The following SESTD1 variants were observed in gnomAD, a reference collection of about 807,000 sequenced individuals.
SESTD1 encodes SEC14 and spectrin domain containing 1, also known as SEC14 domain and spectrin repeat-containing protein 1.
In SESTD1, 43 loss-of-function variants were observed where a neutral mutation model predicts 101.7. That is an observed-to-expected ratio of 0.42 (90% CI 0.33 to 0.55). The LOEUF (loss-of-function observed/expected upper bound fraction) is 0.55, where lower values mean the gene tolerates loss of function less well. Among genes scored for constraint, SESTD1 ranks in the 20% least tolerant of loss-of-function variants. The pLI, the probability that SESTD1 is intolerant of heterozygous loss-of-function variation, is 0.07. For synonymous variants in SESTD1, 283 were observed against 286.8 expected (o/e 0.99, Z 0.13); for missense variants, 647 against 815.1 (o/e 0.79, Z 2.51).
At position 179,121,789 on chromosome 2, in the gene SESTD1, T is replaced by C; in HGVS notation, c.1423A>G (p.Met475Val). Residue 475 changes from methionine to valine, a missense_variant, in exon 13 of 18, where the codon ATG becomes GTG. Transcript: ENST00000428443. Reference protein sequence around the residue: ...VDHIQGVMEDMQLRKQRCEDM... With the variant: ...VDHIQGVMEDVQLRKQRCEDM... ...CTTTGCCTTTGTTTTCTAAGCTGCATATCTTCCATCACTCCTTGTATGTGG... is the reference window on the plus strand; with the variant it reads ...CTTTGCCTTTGTTTTCTAAGCTGCACATCTTCCATCACTCCTTGTATGTGG... The C allele has an allele frequency of 6.3e-7, 1 of 1,588,390 alleles. No homozygotes were observed. The highest frequency in any genetic ancestry group is 1.2e-5 in the South Asian group (1 of 85,696).
intron 1 of SESTD1, among the ~76,000 whole-genome samples, chr2:179,252,479 T>C (rs957066177): frequency 1.3e-5 from 2 of 152,200 alleles, no homozygotes; most frequent in African/African-American, 4.8e-5. Flanking sequence ...TAAGCTCTCT[T>C]TTCTCTTGTC....
chr2:179,259,068 C>T (rs1434557314), intron 1 of SESTD1, among the ~76,000 whole-genome samples: 5 of 152,174 alleles, frequency 3.3e-5, no homozygotes, highest in African/African-American at 7.2e-5. Flanking sequence ...AGAATATTCC[C>T]AGGACTGGGG....
chr2:179,201,790 G>T lies in SESTD1; in HGVS notation c.-25-9924C>A, dbSNP rs551617743. Among the ~76,000 whole-genome samples the T allele has an allele frequency of 3.1e-5, 4 of 130,242 alleles. 1 individual carries two copies. In the East Asian group the frequency reaches 8.1e-4, roughly 26 times the overall value. 85.4% of individuals were successfully genotyped at this position (130,242 alleles called of 152,430 possible). The stretch of plus-strand genomic sequence containing the variant: ...GACTGTTGTGGGGTGGGGGTAGGGG[G>T]GAGGGATAGCATTGGGCAACATACC... On this transcript the variant is annotated intron_variant, in intron 1 of 17. Transcript: ENST00000428443.
chr2:179,113,519 TGA>T (rs1239786692), intron 16 of SESTD1, among the ~76,000 whole-genome samples: 38 of 152,160 alleles, frequency 2.5e-4, no homozygotes, highest in Non-Finnish European at 7.4e-5. Context: ...CTGCAAAATT[TGA>T]GAGAGAGAAT....
intron 13 of SESTD1, among the ~76,000 whole-genome samples, chr2:179,120,495 G>GTAAC (rs1419171521): frequency 2.6e-5 from 4 of 152,170 alleles, no homozygotes; most frequent in Admixed American, 6.5e-5. Flanking sequence ...CCTGGAAGCA[G>GTAAC]TAACTTTAGC....
intron 5 of SESTD1, among the ~76,000 whole-genome samples, chr2:179,157,284 T>C (rs1266991675): frequency 6.6e-6 from 1 of 152,012 alleles, no homozygotes; most frequent in African/African-American, 2.4e-5. Context: ...ATTGTGAAAA[T>C]GCCCATACTG....
chr2:179,119,553 C>G (rs1054835592), intron 13 of SESTD1, among the ~76,000 whole-genome samples: 2 of 152,138 alleles, frequency 1.3e-5, no homozygotes, highest in African/African-American at 4.8e-5. Flanking sequence ...CCTTCCACCA[C>G]GATTCTGTTT....
intron 9 of SESTD1, among the ~76,000 whole-genome samples, chr2:179,140,566 C>A (rs2045256105): frequency 6.6e-6 from 1 of 152,198 alleles, no homozygotes; most frequent in Non-Finnish European, 1.5e-5. Context: ...ATCACTTAGT[C>A]TGTTTGCTAC....
At chr2:179,153,285 T>C (rs1653648145) in intron 5 of SESTD1, among the ~76,000 whole-genome samples, 1 of 152,206 alleles carries the variant, frequency 6.6e-6, no homozygotes, top group South Asian at 2.1e-4. Flanking sequence ...GTATTGCCAT[T>C]CTGCAATCAC....
chr2:179,186,956 T>C (rs2046242169), intron 2 of SESTD1, among the ~76,000 whole-genome samples: 1 of 152,096 alleles, frequency 6.6e-6, no homozygotes, highest in Non-Finnish European at 1.5e-5. Context: ...CAAAAGAGAC[T>C]GGAGGCTTAT....
intron 10 of SESTD1, among the ~76,000 whole-genome samples, chr2:179,127,035 T>C (rs990620986): frequency 1.3e-5 from 2 of 152,212 alleles, no homozygotes; most frequent in African/African-American, 2.4e-5. Context: ...TGTCCAAAAG[T>C]TTCAAATAAC....
At chr2:179,261,260 T>A (rs1026037838) in intron 1 of SESTD1, among the ~76,000 whole-genome samples, 1 of 152,218 alleles carries the variant, frequency 6.6e-6, no homozygotes, top group Non-Finnish European at 1.5e-5. Context: ...TATGGTTTGT[T>A]ATTGTTTGGT....
At chr2:179,206,290 G>A (rs1469972680) in intron 1 of SESTD1, among the ~76,000 whole-genome samples, 1 of 135,896 alleles carries the variant, frequency 7.4e-6, no homozygotes, top group Non-Finnish European at 1.6e-5. Flanking sequence ...GAAGTGGCTT[G>A]CTGCTGCAAA....
intron 5 of SESTD1, among the ~76,000 whole-genome samples, chr2:179,159,140 C>G (rs999820209): frequency 7.9e-5 from 12 of 152,114 alleles, no homozygotes; most frequent in African/African-American, 2.9e-4. Context: ...TATGCATACG[C>G]TTTTCGCCTA....
chr2:179,167,204 A>T (rs2045850713), intron 5 of SESTD1, among the ~76,000 whole-genome samples: 1 of 152,220 alleles, frequency 6.6e-6, no homozygotes, highest in South Asian at 2.1e-4. Flanking sequence ...ACTCTAAAGA[A>T]AAGTCAAATA....
intron 1 of SESTD1, among the ~76,000 whole-genome samples, chr2:179,248,450 G>A (rs1207533056): frequency 6.6e-6 from 1 of 152,074 alleles, no homozygotes. Context: ...ACTAGGCAAA[G>A]ACATGAATAT....
At chr2:179,139,309 C>A (rs1273180115) in intron 9 of SESTD1, among the ~76,000 whole-genome samples, 2 of 152,144 alleles carry the variant, frequency 1.3e-5, no homozygotes, top group African/African-American at 4.8e-5. Flanking sequence ...GAAAAAAAGA[C>A]ACATCACACA....
chr2:179,235,514 C>T (rs2047052957), intron 1 of SESTD1, among the ~76,000 whole-genome samples: 1 of 152,234 alleles, frequency 6.6e-6, no homozygotes, highest in Non-Finnish European at 1.5e-5. Context: ...ATGTCCAAAC[C>T]CACATACGTA....
At chr2:179,259,094 A>C (rs1425640628) in intron 1 of SESTD1, among the ~76,000 whole-genome samples, 1 of 152,186 alleles carries the variant, frequency 6.6e-6, no homozygotes, top group Non-Finnish European at 1.5e-5. Flanking sequence ...CACCAAGTAG[A>C]CCTTGGAAAA....
Sources: gnomAD v4.1 joint callset for allele counts (sites outside exome capture counted in the v4.1 genomes callset) on GRCh38, gnomAD v4.1.1 for gene constraint, MANE v1.5 for transcripts, NCBI Gene and HGNC (gene_info 2026-07-23, HGNC 2026-07-21) for gene names.